Variants in STAP1 observed in about 807,000 individuals in gnomAD.
The protein encoded by STAP1 is signal-transducing adaptor protein 1.
STAP1 carries 30 observed loss-of-function variants against 37.8 expected under a neutral mutation model. That is an observed-to-expected ratio of 0.79 (90% CI 0.59 to 1.08). The LOEUF (loss-of-function observed/expected upper bound fraction) is 1.08. STAP1 is among the 50% of genes least tolerant of loss of function. The pLI is 0.00. For missense variants in STAP1, 357 were observed against 349.4 expected, an observed-to-expected ratio of 1.02 and a Z score of -0.17; for synonymous variants, 130 against 116.0, an observed-to-expected ratio of 1.12 and a Z score of -0.78.
rs768252226 is a variant in STAP1, at chr4:67,590,883, G to A, written c.660-1G>A. 6.2e-7 allele frequency: 1 copy of A among 1,606,752 alleles called. No homozygotes were observed. Among genetic ancestry groups the A allele is most frequent in the Non-Finnish European group, 8.5e-7 (1 of 1,176,734 alleles). ...GAGACTAACCATTTGTTTCATTGTA[G>A]CATTCCAAGAATCAAGCACTACAAA... On this transcript the variant is annotated splice_acceptor_variant, in intron 6 of 8. Transcript: ENST00000265404. LOFTEE classifies it high-confidence loss of function.
intron 1 of STAP1, among the ~76,000 whole-genome samples, chr4:67,563,344 C>G (rs1391984182): frequency 6.6e-6 from 1 of 152,126 alleles, no homozygotes; most frequent in East Asian, 1.9e-4. Flanking sequence ...ATTCTAGGCT[C>G]TTAGTGTTCT....
At chr4:67,598,238 C>T (rs1728266349) in intron 8 of STAP1, among the ~76,000 whole-genome samples, 1 of 152,156 alleles carries the variant, frequency 6.6e-6, no homozygotes, top group South Asian at 2.1e-4. Flanking sequence ...TTGTTATAAA[C>T]ATAGGAGTGC....
At chr4:67,587,676 A>G (rs1215795852) in intron 6 of STAP1, among the ~76,000 whole-genome samples, 1 of 152,006 alleles carries the variant, frequency 6.6e-6, no homozygotes, top group Non-Finnish European at 1.5e-5. Flanking sequence ...AGCTAAGAAC[A>G]AGTATTTATA....
chr4:67,597,564 C>T (rs888520699), intron 8 of STAP1, among the ~76,000 whole-genome samples: 2 of 152,218 alleles, frequency 1.3e-5, no homozygotes, highest in African/African-American at 2.4e-5. Flanking sequence ...GCACTTAATG[C>T]CAGCCCATGA....
chr4:67,560,632 T>TTG (rs201578787), intron 1 of STAP1, among the ~76,000 whole-genome samples: 13 of 105,788 alleles, frequency 1.2e-4, no homozygotes, highest in African/African-American at 3.4e-4. Context: ...TAAAGTATCT[T>TTG]TGTGTGTGTG....
chr4:67,562,470 A>G (rs1299868842), intron 1 of STAP1, among the ~76,000 whole-genome samples: 2 of 152,152 alleles, frequency 1.3e-5, no homozygotes, highest in South Asian at 4.1e-4. Context: ...TCCCTAATAT[A>G]AGAATATTAA....
chr4:67,566,227 C>T (rs901335381), intron 1 of STAP1, among the ~76,000 whole-genome samples: 3 of 152,116 alleles, frequency 2.0e-5, no homozygotes, highest in Admixed American at 2.0e-4. Context: ...CGACGACAGG[C>T]ATGAGCCACC....
intron 2 of STAP1, among the ~76,000 whole-genome samples, chr4:67,574,862 A>G (rs1316241105): frequency 6.6e-6 from 1 of 152,208 alleles, no homozygotes; most frequent in East Asian, 1.9e-4. Context: ...TTGATTTGTA[A>G]GGTTTACCAA....
chr4:67,599,115 T>C (rs1074276), intron 8 of STAP1, among the ~76,000 whole-genome samples: 19,927 of 152,208 alleles, frequency 0.13, 2,489 homozygotes, highest in African/African-American at 0.33. Context: ...ATTTTGTTTG[T>C]TAGTATTTTG....
chr4:67,568,282 AC>A (rs1181840825), intron 1 of STAP1, among the ~76,000 whole-genome samples: 2 of 152,096 alleles, frequency 1.3e-5, no homozygotes, highest in Admixed American at 6.6e-5. Flanking sequence ...AAAAGAGAAA[AC>A]CCTTTATATA....
intron 8 of STAP1, among the ~76,000 whole-genome samples, chr4:67,597,278 G>T (rs1279184046): frequency 1.3e-5 from 2 of 152,206 alleles, no homozygotes; most frequent in Non-Finnish European, 2.9e-5. Flanking sequence ...CTGCAGGTGT[G>T]CAGAAGACAA....
At chr4:67,566,947 G>T (rs1264590937) in intron 1 of STAP1, among the ~76,000 whole-genome samples, 1 of 151,826 alleles carries the variant, frequency 6.6e-6, no homozygotes, top group African/African-American at 2.4e-5. Context: ...CTCTAGCCTG[G>T]GCCACAGAGT....
At chr4:67,598,558 G>A (rs1301028699) in intron 8 of STAP1, among the ~76,000 whole-genome samples, 2 of 152,112 alleles carry the variant, frequency 1.3e-5, no homozygotes, top group African/African-American at 2.4e-5. Flanking sequence ...TCATATGCCT[G>A]TTTGCCATTT....
At chr4:67,593,447 C>A in intron 8 of STAP1, 91 bp downstream of exon 8, 1 of 865,744 alleles carries the variant, frequency 1.2e-6, no homozygotes, top group Non-Finnish European at 1.8e-6. Context: ...TAGTACCAGC[C>A]AGGCAGGAAC....
chr4:67,603,721 G>C (rs1163070727), intron 8 of STAP1, among the ~76,000 whole-genome samples: 1 of 152,086 alleles, frequency 6.6e-6, no homozygotes, highest in Non-Finnish European at 1.5e-5. Context: ...CTGATGCCCT[G>C]TTCTACTGTG....
chr4:67,578,138 A>T (rs1033159580), intron 4 of STAP1, among the ~76,000 whole-genome samples: 62 of 152,200 alleles, frequency 4.1e-4, no homozygotes, highest in Admixed American at 1.4e-3. Context: ...ATCAGAGGCA[A>T]ATAGTAAGAT....
At chr4:67,560,741 T>A (rs547896809) in intron 1 of STAP1, among the ~76,000 whole-genome samples, 1 of 151,726 alleles carries the variant, frequency 6.6e-6, no homozygotes, top group East Asian at 1.9e-4. Flanking sequence ...AGCCTTGACA[T>A]CCCCGGCTCC....
At chr4:67,578,450 A>C (rs1216658909) in intron 4 of STAP1, among the ~76,000 whole-genome samples, 1 of 152,214 alleles carries the variant, frequency 6.6e-6, no homozygotes, top group Non-Finnish European at 1.5e-5. Flanking sequence ...TTAGAGGTTC[A>C]ACTATTGTGT....
rs1296305317 is a variant in STAP1 at position 67,606,826 on chromosome 4, GAGCCCTTTT to G, written c.*470_*478del. 1 of 152,320 alleles carries G rather than the reference GAGCCCTTTT, an allele frequency of 6.6e-6. No individual in the cohort carries two copies. Among genetic ancestry groups the G allele is most frequent in the Non-Finnish European group, 1.5e-5 (1 of 68,202 alleles). 9.4% of individuals were successfully genotyped at this position (152,320 alleles called of 1,614,324 possible). On this transcript the variant is annotated 3_prime_UTR_variant, in exon 9 of 9. Transcript: ENST00000265404. The stretch of plus-strand genomic sequence containing the variant: ...GTTAGAGACATGAAATGTACTAGAG[GAGCCCTTTT>G]CCAATGGAAATATTATATACCACAT...
Sources: gnomAD v4.1 joint callset for allele counts (sites outside exome capture counted in the v4.1 genomes callset) on GRCh38, gnomAD v4.1.1 for gene constraint, MANE v1.5 for transcripts, NCBI Gene and HGNC (gene_info 2026-07-23, HGNC 2026-07-21) for gene names.